CDH6: variants seen among roughly 807,000 people sequenced by gnomAD.
The protein encoded by CDH6 is cadherin-6.
A neutral mutation model predicts 78.0 loss-of-function variants in CDH6; 31 were observed. The observed-to-expected ratio is 0.40, with a 90% CI of 0.30 to 0.54. CDH6 has a LOEUF of 0.54. Among genes scored for constraint, CDH6 ranks in the 20% least tolerant of loss-of-function variants. The probability of loss-of-function intolerance (pLI) is 0.56; values close to 1 mark genes in which losing one functional copy is unlikely to be tolerated. For missense variants in CDH6, 724 were observed against 975.9 expected, an observed-to-expected ratio of 0.74 and a Z score of 3.44; for synonymous variants, 376 against 368.8, an observed-to-expected ratio of 1.02 and a Z score of -0.23.
At chr5:31,211,657 G>A (rs910592455) in intron 1 of CDH6, among the ~76,000 whole-genome samples, 1 of 152,060 alleles carries the variant, frequency 6.6e-6, no homozygotes, top group Admixed American at 6.6e-5. Flanking sequence ...ATGAGGTTCT[G>A]GGGTTGTTTT....
chr5:31,327,637 C>T lies in CDH6; in HGVS notation c.*4329C>T. ...TCAGGAAAATGAGCTATTTCATAAGCTCAAACAAGCAGCTTCCTTTTCCAG... is the reference window on the plus strand; with the variant it reads ...TCAGGAAAATGAGCTATTTCATAAGTTCAAACAAGCAGCTTCCTTTTCCAG... On this transcript the variant is annotated 3_prime_UTR_variant, in exon 12 of 12. Coordinates refer to ENST00000265071, the MANE Select transcript of CDH6 (RefSeq NM_004932.4). The T allele has an allele frequency of 5.0e-6, 1 of 198,214 alleles. No individual in the cohort carries two copies. Among genetic ancestry groups the T allele is most frequent in the African/African-American group, 2.3e-5 (1 of 43,500 alleles). 12.3% of individuals were successfully genotyped at this position (198,214 alleles called of 1,614,324 possible). A position where few individuals can be genotyped will look rare whatever the true frequency, so the allele number is the denominator to read the frequency against.
At chr5:31,276,879 G>A (rs759103268) in intron 2 of CDH6, among the ~76,000 whole-genome samples, 1 of 152,134 alleles carries the variant, frequency 6.6e-6, no homozygotes, top group Non-Finnish European at 1.5e-5. Flanking sequence ...CTTAGAACGG[G>A]GCCCAAGATA....
chr5:31,266,207 A>G (rs1742349342), intron 1 of CDH6, among the ~76,000 whole-genome samples: 1 of 152,152 alleles, frequency 6.6e-6, no homozygotes, highest in Non-Finnish European at 1.5e-5. Context: ...CTAGTAAACC[A>G]ATTTGGGACA....
chr5:31,253,987 A>C (rs2149926262), intron 1 of CDH6, among the ~76,000 whole-genome samples: 1 of 152,326 alleles, frequency 6.6e-6, no homozygotes, highest in South Asian at 2.1e-4. Flanking sequence ...CACAGTCCAA[A>C]AATATTACAT....
intron 1 of CDH6, among the ~76,000 whole-genome samples, chr5:31,258,917 AC>A (rs1383906423): frequency 6.6e-6 from 1 of 152,160 alleles, no homozygotes; most frequent in Non-Finnish European, 1.5e-5. Flanking sequence ...GAGTGAGGGC[AC>A]CCTAGTCTGA....
chr5:31,257,922 G>C (rs1372051939), intron 1 of CDH6, among the ~76,000 whole-genome samples: 1 of 152,116 alleles, frequency 6.6e-6, no homozygotes, highest in East Asian at 1.9e-4. Flanking sequence ...AGGTTAGTTG[G>C]GTTTTATCGA....
intron 1 of CDH6, among the ~76,000 whole-genome samples, chr5:31,232,118 C>T (rs1304326148): frequency 1.3e-5 from 2 of 152,152 alleles, no homozygotes; most frequent in East Asian, 3.8e-4. Flanking sequence ...TTGTTTCTCA[C>T]TCTTTAATTA....
chr5:31,225,822 G>C (rs749356524), intron 1 of CDH6, among the ~76,000 whole-genome samples: 8 of 152,128 alleles, frequency 5.3e-5, no homozygotes, highest in Non-Finnish European at 1.0e-4. Context: ...GTGCATAATG[G>C]TACTGCATGG....
chr5:31,204,529 C>T (rs935252893), intron 1 of CDH6, among the ~76,000 whole-genome samples: 3 of 152,208 alleles, frequency 2.0e-5, no homozygotes, highest in South Asian at 2.1e-4. Context: ...TTATTGAAAC[C>T]GTAGGCTGGA....
chr5:31,265,769 G>GTTTTTTTT (rs35184792), intron 1 of CDH6, among the ~76,000 whole-genome samples: 23 of 78,440 alleles, frequency 2.9e-4, no homozygotes, highest in African/African-American at 6.2e-4. Flanking sequence ...TTAAGACAAT[G>GTTTTTTTT]TTTTTTTTTT....
chr5:31,288,196 G>A (rs1483714593), intron 2 of CDH6, among the ~76,000 whole-genome samples: 1 of 152,162 alleles, frequency 6.6e-6, no homozygotes, highest in Non-Finnish European at 1.5e-5. Context: ...TGAATCACAG[G>A]GCTGAACAGC....
chr5:31,197,302 T>A (rs1740196385), intron 1 of CDH6, among the ~76,000 whole-genome samples: 1 of 152,214 alleles, frequency 6.6e-6, no homozygotes, highest in South Asian at 2.1e-4. Flanking sequence ...AACTTCCAAT[T>A]TAAAAATCTG....
Position 31,324,339 on chromosome 5 carries a change from CTT to C in CDH6, c.*1032_*1033del, listed in dbSNP as rs1738563647. 1 of 213,344 alleles carries C rather than the reference CTT, an allele frequency of 4.7e-6. No homozygotes were observed. Among genetic ancestry groups the C allele is most frequent in the African/African-American group, 2.3e-5 (1 of 44,214 alleles). 13.2% of individuals were successfully genotyped at this position (213,344 alleles called of 1,614,324 possible). On this transcript the variant is annotated 3_prime_UTR_variant, in exon 12 of 12. Transcript: ENST00000265071. ...ATTAGTAAAGTTAGATTAAATAAAA[CTT>C]AAATCTCACTCTAGGAGTTCAGTGG... is the stretch of plus-strand genomic sequence containing the variant.
intron 11 of CDH6, among the ~76,000 whole-genome samples, chr5:31,321,164 A>G (rs573291302): frequency 4.8e-5 from 4 of 83,452 alleles, no homozygotes; most frequent in Non-Finnish European, 7.4e-5. Flanking sequence ...CCCCCACCCC[A>G]CCCACCCACT....
intron 1 of CDH6, among the ~76,000 whole-genome samples, chr5:31,211,669 T>G (rs1203174155): frequency 2.0e-5 from 3 of 152,184 alleles, no homozygotes; most frequent in African/African-American, 7.2e-5. Context: ...GGTTGTTTTT[T>G]TTCACAAATG....
chr5:31,316,837 A>G (rs911611489), intron 9 of CDH6, among the ~76,000 whole-genome samples: 1 of 152,246 alleles, frequency 6.6e-6, no homozygotes, highest in African/African-American at 2.4e-5. Context: ...GTTAAAGTAC[A>G]TGTGCAAGTA....
At chr5:31,268,678 C>T (rs1310511168) in intron 2 of CDH6, among the ~76,000 whole-genome samples, 3 of 152,128 alleles carry the variant, frequency 2.0e-5, no homozygotes, top group Admixed American at 6.5e-5. Context: ...TTTGTGATTA[C>T]AGCTATGATT....
At chr5:31,305,507 G>A (rs528670263) in intron 7 of CDH6, 80 bp downstream of exon 7, 251 of 1,420,254 alleles carry the variant, frequency 1.8e-4, no homozygotes, top group Non-Finnish European at 2.3e-4. Context: ...CTTGAGAAAA[G>A]ATGAATCCCT....
At chr5:31,221,371 C>T (rs986411279) in intron 1 of CDH6, among the ~76,000 whole-genome samples, 2 of 152,204 alleles carry the variant, frequency 1.3e-5, no homozygotes, top group African/African-American at 4.8e-5. Flanking sequence ...ACATTTCAGT[C>T]ATCTGCAGTC....
Sources: gnomAD v4.1 joint callset for allele counts (sites outside exome capture counted in the v4.1 genomes callset) on GRCh38, gnomAD v4.1.1 for gene constraint, MANE v1.5 for transcripts, NCBI Gene and HGNC (gene_info 2026-07-23, HGNC 2026-07-21) for gene names.